The following MSANTD7 variants were observed in gnomAD, a reference collection of about 807,000 sequenced individuals.
The protein encoded by MSANTD7 is zinc finger and SCAN domain containing 29.
At chr10:14,846,930 A>T in the MSANTD7 span, 1 of 985,228 alleles carries the variant, frequency 1.0e-6, no homozygotes, top group African/African-American at 1.7e-5. Context: ...ATGTATACCA[A>T]CTTCTCACCA....
chr10:14,842,151 G>A, the MSANTD7 span: 1 of 1,534,580 alleles, frequency 6.5e-7, no homozygotes, highest in Non-Finnish European at 8.7e-7. This position sits in a 1 kb window ranked among gnomAD's most constrained non-coding sequence, Gnocchi z 5.2. Flanking sequence ...TGCGGTCCTT[G>A]GACCTGGCTT....
the MSANTD7 span, chr10:14,842,385 A>G: frequency 1.3e-6 from 2 of 1,536,062 alleles, no homozygotes; most frequent in African/African-American, 2.7e-5. This position sits in a 1 kb window ranked among gnomAD's most constrained non-coding sequence, Gnocchi z 5.2. Flanking sequence ...CAGCGCCTCC[A>G]GACTGTGCAT....
At chr10:14,842,215 G>C in the MSANTD7 span, 2 of 1,535,514 alleles carry the variant, frequency 1.3e-6, no homozygotes, top group Non-Finnish European at 8.7e-7. The surrounding 1 kb of genome is among the most constrained non-coding windows in gnomAD (Gnocchi z 5.2). Flanking sequence ...AGAGCACACA[G>C]AGCTTCCCCA....
At chr10:14,843,559 G>A in the MSANTD7 span, 5 of 1,550,680 alleles carry the variant, frequency 3.2e-6, no homozygotes, top group Non-Finnish European at 4.4e-6. Flanking sequence ...TTCGAGAGCT[G>A]GTTTTGTTTC....
chr10:14,846,569 A>G, the MSANTD7 span: 2 of 984,162 alleles, frequency 2.0e-6, no homozygotes, highest in Non-Finnish European at 2.4e-6. Flanking sequence ...AGACCCAACC[A>G]TTACTACTTG....
chr10:14,844,304 G>C, the MSANTD7 span: 2 of 1,076,796 alleles, frequency 1.9e-6, no homozygotes, highest in African/African-American at 3.5e-5. Context: ...TAAAAGCACT[G>C]TACACATTTA....
the MSANTD7 span, among the ~76,000 whole-genome samples, chr10:14,839,631 T>TAATA: frequency 6.6e-6 from 1 of 152,024 alleles, no homozygotes; most frequent in East Asian, 1.9e-4. Context: ...AAAGGTAACG[T>TAATA]AATAATAGCC....
chr10:14,840,760 T>A, the MSANTD7 span, among the ~76,000 whole-genome samples: 12 of 152,176 alleles, frequency 7.9e-5, no homozygotes, highest in African/African-American at 2.9e-4. Context: ...TAATTAGGGG[T>A]TTTCATTTTC....
At chr10:14,843,649 G>A in the MSANTD7 span, 10 of 1,549,698 alleles carry the variant, frequency 6.5e-6, no homozygotes, top group African/African-American at 1.4e-5. Flanking sequence ...CAGGACTATC[G>A]CAGCCGAGTT....
chr10:14,839,600 G>A, the MSANTD7 span, among the ~76,000 whole-genome samples: 3 of 151,972 alleles, frequency 2.0e-5, no homozygotes, highest in Non-Finnish European at 4.4e-5. Flanking sequence ...AATGGTAATG[G>A]TAAGAAGGAA....
chr10:14,845,595 A>G, the MSANTD7 span: 1 of 909,224 alleles, frequency 1.1e-6, no homozygotes, highest in Non-Finnish European at 1.3e-6. Context: ...TTCTATTATT[A>G]TTATTTTTTT....
the MSANTD7 span, chr10:14,839,945 G>A: frequency 6.2e-7 from 1 of 1,612,824 alleles, no homozygotes; most frequent in Non-Finnish European, 8.5e-7. Flanking sequence ...GCCGGTGACC[G>A]AGTTACTCCA....
the MSANTD7 span, chr10:14,838,627 C>T: frequency 1.6e-6 from 1 of 614,556 alleles, no homozygotes. Context: ...CGGCCTCGCG[C>T]CTGGCGATTC....
the MSANTD7 span, among the ~76,000 whole-genome samples, chr10:14,838,813 C>A: frequency 6.6e-6 from 1 of 151,826 alleles, no homozygotes; most frequent in Admixed American, 6.6e-5. Flanking sequence ...GTCCCGGGGA[C>A]GGCGGGGCTG....
chr10:14,839,821 C>G, the MSANTD7 span: 1 of 937,378 alleles, frequency 1.1e-6, no homozygotes, highest in Non-Finnish European at 1.6e-6. Flanking sequence ...TCTTTCCACA[C>G]AGATGGCAAA....
At chr10:14,843,677 T>G in the MSANTD7 span, 1 of 1,546,056 alleles carries the variant, frequency 6.5e-7, no homozygotes, top group Non-Finnish European at 8.7e-7. Flanking sequence ...AACAGGCGAT[T>G]GGCACGAGAA....
the MSANTD7 span, chr10:14,843,472 G>C: frequency 6.4e-7 from 1 of 1,550,550 alleles, no homozygotes; most frequent in East Asian, 2.4e-5. Context: ...GGGTGTGTCC[G>C]GGGAGCCCAG....
chr10:14,846,582 C>G, the MSANTD7 span: 2 of 981,184 alleles, frequency 2.0e-6, no homozygotes, highest in Non-Finnish European at 2.4e-6. Flanking sequence ...ACTACTTGAA[C>G]CCCCTTAGAA....
Sources: allele counts gnomAD v4.1 joint callset (sites outside exome capture counted in the v4.1 genomes callset), GRCh38; gene constraint gnomAD v4.1.1; non-coding constraint Gnocchi (gnomAD v3.1); transcripts MANE v1.5; gene names NCBI Gene and HGNC (gene_info 2026-07-23, HGNC 2026-07-21).